Variants in MILR1 observed in about 807,000 individuals in gnomAD.
The protein encoded by MILR1 is mast cell immunoglobulin like receptor 1.
A neutral mutation model predicts 18.5 loss-of-function variants in MILR1; 31 were observed. The observed-to-expected ratio is 1.68, with a 90% CI of 1.26 to 2.26. The LOEUF (loss-of-function observed/expected upper bound fraction) is 2.26. Ranked by LOEUF, MILR1 falls within the 30% of genes most tolerant of loss-of-function variation. The pLI is 0.00. For missense variants in MILR1, 257 were observed against 157.4 expected, an observed-to-expected ratio of 1.63 and a Z score of -3.38; for synonymous variants, 85 against 56.2, an observed-to-expected ratio of 1.51 and a Z score of -2.30.
rs1300640441 is a variant in MILR1 at position 64,449,129 on chromosome 17, A to G, written c.-40A>G. The stretch of plus-strand genomic sequence containing the variant: ...CCGAGTTACTCACCACTGTGGTTCT[A>G]CTATGCCTTCTGACCCCGTCTTGGA... On this transcript the variant is annotated 5_prime_UTR_variant, in exon 1 of 10. Transcript: ENST00000619286. The G allele has an allele frequency of 1.1e-5, 5 of 456,488 alleles. No individual in the cohort carries two copies. The East Asian group carries it at 1.3e-4, about 12-fold the overall frequency. 28.3% of individuals were successfully genotyped at this position (456,488 alleles called of 1,614,324 possible).
the MILR1 span, among the ~76,000 whole-genome samples, chr17:64,483,301 C>G: frequency 9.2e-5 from 14 of 152,088 alleles, no homozygotes; most frequent in African/African-American, 3.1e-4. Context: ...ATTCCTTGAG[C>G]TCAGGAGTTT....
chr17:64,491,752 A>T, the MILR1 span: 6 of 726,904 alleles, frequency 8.3e-6, no homozygotes, highest in Non-Finnish European at 1.5e-5. Context: ...CTTTCCTACA[A>T]GGAGCTCAAG....
At chr17:64,473,073 G>A (rs1555664907), downstream of MILR1, among the ~76,000 whole-genome samples, 2 of 152,124 alleles carry the variant, frequency 1.3e-5, no homozygotes, top group African/African-American at 4.8e-5. Flanking sequence ...CTTTTGGCCG[G>A]GCGTGGTGGC....
At chr17:64,473,350 C>CAA (rs1489803189), downstream of MILR1, among the ~76,000 whole-genome samples, 5 of 71,588 alleles carry the variant, frequency 7.0e-5, no homozygotes, top group Admixed American at 1.4e-4. Flanking sequence ...GGCTCCGTCT[C>CAA]AAAAAAAAAA....
At chr17:64,477,772 TAAGAC>T in the MILR1 span, 1 of 1,496,894 alleles carries the variant, frequency 6.7e-7, no homozygotes, top group Non-Finnish European at 8.9e-7. Context: ...TAAGTGAACA[TAAGAC>T]AACCAAATTA....
chr17:64,463,331 C>A (rs1041405019), intron 5 of MILR1, among the ~76,000 whole-genome samples: 3 of 152,058 alleles, frequency 2.0e-5, no homozygotes, highest in African/African-American at 7.2e-5. Context: ...TCATTCCTCA[C>A]GTCTTATGGC....
the MILR1 span, among the ~76,000 whole-genome samples, chr17:64,497,199 C>T: frequency 2.0e-5 from 3 of 152,232 alleles, no homozygotes; most frequent in African/African-American, 7.2e-5. Context: ...TTGCCGTTCG[C>T]GTCGCGCCCC....
At chr17:64,496,857 T>C in the MILR1 span, 2 of 1,613,768 alleles carry the variant, frequency 1.2e-6, no homozygotes, top group Middle Eastern at 1.6e-4. Context: ...CCTTTGGGGC[T>C]ACTCCTTTCC....
At chr17:64,493,161 T>TA in the MILR1 span, 8 of 925,634 alleles carry the variant, frequency 8.6e-6, no homozygotes, top group Non-Finnish European at 1.7e-6. Flanking sequence ...CTCACGCCTA[T>TA]AATCCCAGCA....
chr17:64,457,118 G>A (rs1240089267), intron 3 of MILR1, among the ~76,000 whole-genome samples: 5 of 152,098 alleles, frequency 3.3e-5, no homozygotes, highest in Admixed American at 2.6e-4. Flanking sequence ...ATTCTAGGAA[G>A]GGCAAGCTTG....
intron 5 of MILR1, among the ~76,000 whole-genome samples, chr17:64,461,917 A>G (rs2144055160): frequency 6.6e-6 from 1 of 152,286 alleles, no homozygotes; most frequent in South Asian, 2.1e-4. Context: ...AGGTTCATCC[A>G]TGTTGTCATA....
downstream of MILR1, among the ~76,000 whole-genome samples, chr17:64,471,694 A>G (rs1197507364): frequency 1.3e-5 from 2 of 152,122 alleles, no homozygotes; most frequent in South Asian, 2.1e-4. Context: ...GCTCACGCCT[A>G]TAATCCCAAT....
chr17:64,463,840 T>C (rs1387006280), intron 5 of MILR1, among the ~76,000 whole-genome samples: 1 of 147,766 alleles, frequency 6.8e-6, no homozygotes, highest in Non-Finnish European at 1.5e-5. Context: ...TTTTTTTTTT[T>C]TGAGGCAGAG....
At chr17:64,451,683 C>T (rs925316745) in intron 2 of MILR1, among the ~76,000 whole-genome samples, 17 of 151,920 alleles carry the variant, frequency 1.1e-4, no homozygotes, top group African/African-American at 2.9e-4. Context: ...CCTGTAATCC[C>T]GGCACTTTGG....
At chr17:64,491,697 GGGTTTACCAT>G in the MILR1 span, 1 of 1,090,318 alleles carries the variant, frequency 9.2e-7, no homozygotes, top group Non-Finnish European at 1.4e-6. Context: ...GAGCATCTCG[GGGTTTACCAT>G]GGTGCTGGCA....
At chr17:64,491,343 C>T in the MILR1 span, among the ~76,000 whole-genome samples, 5 of 152,258 alleles carry the variant, frequency 3.3e-5, no homozygotes, top group African/African-American at 1.2e-4. Context: ...GCCTGTTATG[C>T]CAGCTCTTTG....
Position 64,468,326 on chromosome 17 carries a change from T to C in MILR1, c.*45T>C, listed in dbSNP as rs1338343012. 1 of 454,926 alleles carries C rather than the reference T, an allele frequency of 2.2e-6. No homozygotes were observed. The highest frequency in any genetic ancestry group is 7.0e-5 in the East Asian group (1 of 14,364). The allele number at this position is 454,926 out of a possible 1,614,324, so 28.2% of individuals were successfully genotyped here. On this transcript the variant is annotated 3_prime_UTR_variant, in exon 10 of 10. Coordinates refer to ENST00000619286, the MANE Select transcript of MILR1 (RefSeq NM_001085423.2). ...TTTTTTGAGATGGAGTCTCACTCTGTTGCCCAGGCTGGAGTTCAGTAGCGC... is the reference window on the plus strand; with the variant it reads ...TTTTTTGAGATGGAGTCTCACTCTGCTGCCCAGGCTGGAGTTCAGTAGCGC...
the MILR1 span, among the ~76,000 whole-genome samples, chr17:64,474,546 C>G: frequency 6.6e-6 from 1 of 151,774 alleles, no homozygotes; most frequent in African/African-American, 2.4e-5. Context: ...GGCTAATTTT[C>G]AAAGCTTTTT....
chr17:64,485,974 T>G, the MILR1 span: 1 of 1,055,308 alleles, frequency 9.5e-7, no homozygotes, highest in Non-Finnish European at 1.4e-6. Context: ...TGGAGTGCAG[T>G]GGCATGATCT....
Sources: gnomAD v4.1 joint callset for allele counts (sites outside exome capture counted in the v4.1 genomes callset) on GRCh38, gnomAD v4.1.1 for gene constraint, MANE v1.5 for transcripts, NCBI Gene and HGNC (gene_info 2026-07-23, HGNC 2026-07-21) for gene names.